Variants in APBB2 observed in about 807,000 individuals in gnomAD.
APBB2 encodes the protein Fe65-like 1.
Under a neutral mutation model 82.5 loss-of-function variants are expected in APBB2, and 38 were observed. That is an observed-to-expected ratio of 0.46 (90% CI 0.36 to 0.60). APBB2 has a LOEUF of 0.60. APBB2 is among the 20% of genes least tolerant of loss of function. The pLI is 0.00. For synonymous variants in APBB2, 341 were observed against 368.2 expected, an observed-to-expected ratio of 0.93 and a Z score of 0.85; for missense variants, 772 against 972.3, an observed-to-expected ratio of 0.79 and a Z score of 2.74.
intron 10 of APBB2, among the ~76,000 whole-genome samples, chr4:40,919,002 C>G (rs1391241485): frequency 6.6e-6 from 1 of 152,022 alleles, no homozygotes; most frequent in Non-Finnish European, 1.5e-5. Context: ...GTGACTAAAG[C>G]TGAAGTCTTT....
In APBB2 at chr4:40,994,831, A is replaced by T. The variant is rs1368991896; in HGVS notation, c.835+18752T>A. 7.3e-5 allele frequency among the ~76,000 whole-genome samples: 11 copies of T among 150,988 alleles called. No individual in the cohort carries two copies. The East Asian group carries it at 2.1e-3, about 29-fold the overall frequency. ...CTCCGGAAAAAAAAAAAAAGAAAAG[A>T]AAAGAAGAAAGGAAAAAGGAAGGAA... On this transcript the variant is annotated intron_variant, in intron 6 of 17. Transcript: ENST00000508593.
intron 1 of APBB2, among the ~76,000 whole-genome samples, chr4:41,191,622 A>G (rs144884741): frequency 2.3e-4 from 35 of 152,320 alleles, no homozygotes; most frequent in African/African-American, 8.2e-4. Context: ...AATCAACTCA[A>G]AATGGATAAA....
At chr4:41,028,278 C>T (rs1409050605) in intron 5 of APBB2, among the ~76,000 whole-genome samples, 1 of 152,242 alleles carries the variant, frequency 6.6e-6, no homozygotes, top group African/African-American at 2.4e-5. Flanking sequence ...CCATGTGTTT[C>T]AGGCAGAGAT....
At chr4:41,136,198 G>A (rs1323522635) in intron 2 of APBB2, among the ~76,000 whole-genome samples, 1 of 152,182 alleles carries the variant, frequency 6.6e-6, no homozygotes, top group Non-Finnish European at 1.5e-5. Context: ...ACCCAGCCAT[G>A]CTTTGATTCA....
chr4:41,036,384 A>G (rs1430919059), intron 4 of APBB2, among the ~76,000 whole-genome samples: 3 of 152,194 alleles, frequency 2.0e-5, no homozygotes, highest in Admixed American at 2.0e-4. Context: ...CAACTTCTAT[A>G]AAGTTAAGAA....
chr4:41,021,571 C>G (rs1711534231), intron 5 of APBB2, among the ~76,000 whole-genome samples: 1 of 152,108 alleles, frequency 6.6e-6, no homozygotes, highest in Non-Finnish European at 1.5e-5. Flanking sequence ...CACCAATCAG[C>G]CCTCTATGTC....
At chr4:40,866,156 A>G (rs534578094) in intron 12 of APBB2, among the ~76,000 whole-genome samples, 71 of 152,330 alleles carry the variant, frequency 4.7e-4, no homozygotes, top group African/African-American at 1.6e-3. Flanking sequence ...CCTGTATGTG[A>G]ATGATTACAG....
Position 40,955,745 on chromosome 4 carries a change from T to C in APBB2, c.836-10672A>G, listed in dbSNP as rs188162746. ...CTGAGCAACATAAAAAGATTCCATC[T>C]CCCTCCCCTAACCAAAACATATTTT... On this transcript the variant is annotated intron_variant, in intron 6 of 17. Transcript: ENST00000508593. Among the ~76,000 whole-genome samples the C allele has an allele frequency of 2.0e-4, 31 of 151,658 alleles. No homozygotes were observed. The East Asian group carries it at 6.0e-3, about 29-fold the overall frequency.
intron 2 of APBB2, among the ~76,000 whole-genome samples, chr4:41,120,299 T>C (rs968287592): frequency 2.0e-5 from 3 of 152,114 alleles, no homozygotes; most frequent in African/African-American, 7.2e-5. Context: ...CAGAATTATA[T>C]AAACCGACTC....
intron 1 of APBB2, among the ~76,000 whole-genome samples, chr4:41,159,966 GAAGAAGAAGAAGAAGAAGAAGA>G (rs1560913537): frequency 1.1e-5 from 1 of 87,104 alleles, no homozygotes; most frequent in African/African-American, 4.4e-5. Context: ...AGAAGGAGAA[GAAGAAGAAGAAGAAGAAGAAGA>G]AGAAGAAGAA....
At chr4:41,163,859 C>T (rs1765806531) in intron 1 of APBB2, among the ~76,000 whole-genome samples, 1 of 152,136 alleles carries the variant, frequency 6.6e-6, no homozygotes, top group Admixed American at 6.6e-5. Context: ...TTGAGATCAC[C>T]TTTATACTCC....
At chr4:40,928,428 A>ACACACACACACACACACAC (rs201061451) in intron 10 of APBB2, among the ~76,000 whole-genome samples, 2 of 54,082 alleles carry the variant, frequency 3.7e-5, no homozygotes, top group Admixed American at 1.4e-4. Flanking sequence ...ACACACACAC[A>ACACACACACACACACACAC]ATCAGCCAGG....
At chr4:40,942,579 C>G (rs1787296917) in intron 7 of APBB2, among the ~76,000 whole-genome samples, 2 of 152,054 alleles carry the variant, frequency 1.3e-5, no homozygotes. Flanking sequence ...GAAATGATGT[C>G]TAGGAAAATA....
chr4:40,942,407 G>A (rs779834308), intron 7 of APBB2, among the ~76,000 whole-genome samples: 62 of 152,116 alleles, frequency 4.1e-4, no homozygotes, highest in Non-Finnish European at 4.7e-4. Flanking sequence ...CAGAGTCCTC[G>A]GGCTCTAGAG....
At chr4:40,913,173 C>A (rs73242098) in intron 10 of APBB2, among the ~76,000 whole-genome samples, 31 of 152,164 alleles carry the variant, frequency 2.0e-4, no homozygotes, top group African/African-American at 6.7e-4. Context: ...GCAGAGACAG[C>A]CTGCAGTCAG....
At chr4:40,904,149 G>C (rs1396262268) in intron 10 of APBB2, among the ~76,000 whole-genome samples, 1 of 152,162 alleles carries the variant, frequency 6.6e-6, no homozygotes, top group Non-Finnish European at 1.5e-5. Context: ...ACGGCAATTA[G>C]GCCAGGTGCA....
Position 41,141,949 on chromosome 4 carries a change from C to T in APBB2, c.-261+1038G>A, listed in dbSNP as rs546843307. 2.0e-5 allele frequency among the ~76,000 whole-genome samples: 3 copies of T among 152,266 alleles called. No homozygotes were observed. In the South Asian group the frequency reaches 6.2e-4, roughly 32 times the overall value. Reference sequence around the variant, plus strand: ...ATTCAAGATGAGATTTGGGTGGGGACACAGCCAAACCATATCACTGGCCAC... The same window carrying T: ...ATTCAAGATGAGATTTGGGTGGGGATACAGCCAAACCATATCACTGGCCAC... On this transcript the variant is annotated intron_variant, in intron 2 of 17. Transcript: ENST00000508593.
At chr4:40,918,357 C>T (rs1250962929) in intron 10 of APBB2, among the ~76,000 whole-genome samples, 3 of 152,240 alleles carry the variant, frequency 2.0e-5, no homozygotes, top group African/African-American at 7.2e-5. Flanking sequence ...CCAACACATG[C>T]TTGAGTGCCA....
At chr4:40,846,324 T>TC (rs1433877502) in intron 12 of APBB2, among the ~76,000 whole-genome samples, 2 of 33,044 alleles carry the variant, frequency 6.1e-5, no homozygotes, top group Non-Finnish European at 1.0e-4. Context: ...ATGAAAACAC[T>TC]CCAAAAAAAA....
Sources: gnomAD v4.1 joint callset for allele counts (sites outside exome capture counted in the v4.1 genomes callset) on GRCh38, gnomAD v4.1.1 for gene constraint, MANE v1.5 for transcripts, NCBI Gene and HGNC (gene_info 2026-07-23, HGNC 2026-07-21) for gene names.